Variants in CHRAC1 observed in about 807,000 individuals in gnomAD.
CHRAC1 encodes the protein chromatin accessibility complex subunit 1.
Under a neutral mutation model 9.1 loss-of-function variants are expected in CHRAC1, and 6 were observed. That is an observed-to-expected ratio of 0.66 (90% CI 0.36 to 1.29). The LOEUF (loss-of-function observed/expected upper bound fraction) is 1.29, where lower values mean the gene tolerates loss of function less well. CHRAC1 is among the 50% of genes most tolerant of loss of function. The pLI is 0.03. For synonymous variants in CHRAC1, 73 were observed against 64.5 expected (o/e 1.13, Z -0.63); for missense variants, 168 against 163.5 (o/e 1.03, Z -0.15).
chr8:140,513,164 TGAGA>T (rs919873242), intron 1 of CHRAC1, among the ~76,000 whole-genome samples: 1 of 152,104 alleles, frequency 6.6e-6, no homozygotes, highest in African/African-American at 2.4e-5. Flanking sequence ...GTCAAAACCT[TGAGA>T]AAGAGGCTCA....
Position 140,515,415 on chromosome 8 carries a change from T to C in CHRAC1, c.*168T>C. On this transcript the variant is annotated 3_prime_UTR_variant, in exon 3 of 3. Transcript: ENST00000220913. ...TTCCAGGCCGAGATTGAGCACCTCA[T>C]GTACCTACGCCACAGACAGCCAGAG... The C allele has an allele frequency of 3.2e-6, 2 of 633,924 alleles. No homozygotes were observed. The highest frequency in any genetic ancestry group is 3.0e-5 in the East Asian group (1 of 33,356). 39.3% of individuals were successfully genotyped at this position (633,924 alleles called of 1,614,324 possible). A position where few individuals can be genotyped will look rare whatever the true frequency, so the allele number is the denominator to read the frequency against.
At chr8:140,513,151 A>G (rs1388815048) in intron 1 of CHRAC1, among the ~76,000 whole-genome samples, 4 of 152,336 alleles carry the variant, frequency 2.6e-5, no homozygotes, top group African/African-American at 9.6e-5. Context: ...TAGATGCATT[A>G]AAGTCAAAAC....
chr8:140,515,051 T>C, intron 2 of CHRAC1, 75 bp from the exon 3 acceptor site: 1 of 1,422,572 alleles, frequency 7.0e-7, no homozygotes, highest in South Asian at 1.3e-5. Context: ...CAGGAACTAG[T>C]ACATTTTGAA....
intron 2 of CHRAC1, 160 bp downstream of exon 2, chr8:140,514,655 C>T (rs2072315736): frequency 1.8e-6 from 1 of 541,668 alleles, no homozygotes; most frequent in African/African-American, 2.0e-5. Flanking sequence ...TACTTTTAGT[C>T]TTCTCTGTTT....
intron 2 of CHRAC1, chr8:140,514,737 G>A (rs896038275): frequency 7.5e-6 from 3 of 399,330 alleles, no homozygotes; most frequent in African/African-American, 4.2e-5. Flanking sequence ...TTGGTTGGCC[G>A]CGTATGCTGG....
rs574757405 is a variant in CHRAC1, at chr8:140,511,347, C to G, written c.-153C>G. ...CTCACGGAGCTCGTAGTTTCCCGGA[C>G]GGGCCGCTCCCGGCCTCGCGGCCTC... On this transcript the variant is annotated 5_prime_UTR_variant, in exon 1 of 3. Transcript: ENST00000220913. The G allele has an allele frequency of 5.6e-5, 32 of 576,438 alleles. No individual in the cohort carries two copies. In the East Asian group the frequency reaches 6.5e-4, roughly 12 times the overall value. 35.7% of individuals were successfully genotyped at this position (576,438 alleles called of 1,614,324 possible).
intron 2 of CHRAC1, 144 bp downstream of exon 2, chr8:140,514,639 G>A (rs1268646488): frequency 1.7e-6 from 1 of 580,798 alleles, no homozygotes; most frequent in African/African-American, 1.9e-5. Context: ...AGTTGTCACA[G>A]GAAGATACTT....
Position 140,515,671 on chromosome 8 carries a change from A to G in CHRAC1, c.*424A>G, listed in dbSNP as rs1446453137. ...TAAACAGCTCGATTCAGTTTTAGCTAAATTTATAGTTTAGGTAGTATGTTA... is the reference window on the plus strand; with the variant it reads ...TAAACAGCTCGATTCAGTTTTAGCTGAATTTATAGTTTAGGTAGTATGTTA... On this transcript the variant is annotated 3_prime_UTR_variant, in exon 3 of 3. Coordinates refer to ENST00000220913, the MANE Select transcript of CHRAC1 (RefSeq NM_017444.6). 1 of 153,688 alleles carries G rather than the reference A, an allele frequency of 6.5e-6. No individual in the cohort carries two copies. Among genetic ancestry groups the G allele is most frequent in the Non-Finnish European group, 1.4e-5 (1 of 69,054 alleles). 9.5% of individuals were successfully genotyped at this position (153,688 alleles called of 1,614,324 possible). A position where few individuals can be genotyped will look rare whatever the true frequency, so the allele number is the denominator to read the frequency against.
chr8:140,513,428 C>G (rs2072300837), intron 1 of CHRAC1, among the ~76,000 whole-genome samples: 1 of 151,912 alleles, frequency 6.6e-6, no homozygotes, highest in Non-Finnish European at 1.5e-5. Flanking sequence ...CTTTTTGCTA[C>G]TTTCTATTTT....
chr8:140,511,993 G>T, intron 1 of CHRAC1: 1 of 1,144,826 alleles, frequency 8.7e-7, no homozygotes, highest in South Asian at 1.4e-5. Context: ...CTGTCCTCCC[G>T]CCGTTTCTCT....
intron 1 of CHRAC1, 136 bp downstream of exon 1, chr8:140,511,782 C>T: frequency 1.1e-6 from 1 of 927,324 alleles, no homozygotes; most frequent in Non-Finnish European, 1.5e-6. Context: ...CCCCGCTGTC[C>T]CCGTCCCACG....
rs2072329372 is a variant in CHRAC1, at chr8:140,515,805, T to A, written c.*558T>A. On this transcript the variant is annotated 3_prime_UTR_variant, in exon 3 of 3. Transcript: ENST00000220913. ...TACATATTTTTACAGTAAAATGCTTTATGGAACTAGTTTTAGAGCCCTCTA... is the reference window on the plus strand; with the variant it reads ...TACATATTTTTACAGTAAAATGCTTAATGGAACTAGTTTTAGAGCCCTCTA... 1.3e-5 allele frequency: 2 copies of A among 152,244 alleles called. No homozygotes were observed. Among genetic ancestry groups the A allele is most frequent in the African/African-American group, 4.8e-5 (2 of 41,452 alleles). 9.4% of individuals were successfully genotyped at this position (152,244 alleles called of 1,614,324 possible).
rs545948809 is a variant in CHRAC1, at chr8:140,511,397, G to A, written c.-103G>A. 654 of 1,080,884 alleles carry A rather than the reference G, an allele frequency of 6.1e-4. 3 individuals are homozygous for A. In the African/African-American group the frequency reaches 9.9e-3, roughly 16 times the overall value. The allele number at this position is 1,080,884 out of a possible 1,614,324, so 67.0% of individuals were successfully genotyped here. A position where few individuals can be genotyped will look rare whatever the true frequency, so the allele number is the denominator to read the frequency against. On this transcript the variant is annotated 5_prime_UTR_variant, in exon 1 of 3. Transcript: ENST00000220913. ...CGCCTCCCCACACTACAACTCCCAC[G>A]GGGCAGCGGGCGCGGCTCCCCGTAC...
chr8:140,515,313 A>G lies in CHRAC1; in HGVS notation c.*66A>G. 1.9e-6 allele frequency: 3 copies of G among 1,544,460 alleles called. No homozygotes were observed. The highest frequency in any genetic ancestry group is 2.6e-6 in the Non-Finnish European group (3 of 1,134,314). On this transcript the variant is annotated 3_prime_UTR_variant, in exon 3 of 3. Coordinates refer to ENST00000220913, the MANE Select transcript of CHRAC1 (RefSeq NM_017444.6). ...TGGACCCACTCCACTGTCTCTAAGT[A>G]AACACAGCACTGCCCGCTTTTAGCG...
intron 2 of CHRAC1, 152 bp downstream of exon 2, chr8:140,514,647 C>G (rs1023203378): frequency 7.2e-6 from 4 of 554,484 alleles, no homozygotes; most frequent in African/African-American, 5.9e-5. Context: ...CAGGAAGATA[C>G]TTTTAGTCTT....
rs1433477152 is a variant in CHRAC1 at position 140,511,519 on chromosome 8, G to C, written c.20G>C (p.Gly7Ala). MADVVV[G>A]KDKGGEQRLI... is the part of the protein sequence containing the mutation. ...GGGAAGATGGCGGACGTGGTCGTGG[G>C]TAAAGACAAGGGCGGGGAGCAGCGG... The change falls in exon 1 of 3, where the codon GGT becomes GCT. Residue 7 changes from glycine to alanine, a missense_variant. Gly to Ala is a moderately conservative substitution (Grantham distance 60). Coordinates refer to ENST00000220913, the MANE Select transcript of CHRAC1 (RefSeq NM_017444.6). 7.3e-7 allele frequency: 1 copy of C among 1,367,740 alleles called. No homozygotes were observed. The highest frequency in any genetic ancestry group is 9.5e-7 in the Non-Finnish European group (1 of 1,052,544). The allele number at this position is 1,367,740 out of a possible 1,614,324, so 84.7% of individuals were successfully genotyped here.
At chr8:140,511,747 G>T in intron 1 of CHRAC1, 101 bp downstream of exon 1, 1 of 1,101,786 alleles carries the variant, frequency 9.1e-7, no homozygotes, top group Non-Finnish European at 1.2e-6. Flanking sequence ...CGCGCCGCCG[G>T]CTGCTCTTGC....
intron 1 of CHRAC1, among the ~76,000 whole-genome samples, chr8:140,513,464 C>T (rs2072301716): frequency 6.6e-6 from 1 of 150,714 alleles, no homozygotes; most frequent in Admixed American, 6.6e-5. Flanking sequence ...GAGACGGAGT[C>T]TCGCTCTGTC....
chr8:140,511,687 C>T (rs1016848353), intron 1 of CHRAC1, 41 bp downstream of exon 1: 1 of 1,291,456 alleles, frequency 7.7e-7, no homozygotes. Flanking sequence ...CCTTACCCCT[C>T]GCGCCCCGCC....
Sources: allele counts gnomAD v4.1 joint callset (sites outside exome capture counted in the v4.1 genomes callset), GRCh38; gene constraint gnomAD v4.1.1; transcripts MANE v1.5; gene names NCBI Gene and HGNC (gene_info 2026-07-23, HGNC 2026-07-21).